The following NDUFAF6 variants were observed in gnomAD, a reference collection of about 807,000 sequenced individuals.
NDUFAF6 encodes the protein NADH:ubiquinone oxidoreductase complex assembly factor 6, also known as NADH dehydrogenase (ubiquinone) complex I, assembly factor 6.
A neutral mutation model predicts 40.8 loss-of-function variants in NDUFAF6; 45 were observed. The observed-to-expected ratio is 1.10, with a 90% CI of 0.87 to 1.42. The LOEUF (loss-of-function observed/expected upper bound fraction) is 1.42, where lower values mean the gene tolerates loss of function less well. Ranked by LOEUF, NDUFAF6 falls within the 40% of genes most tolerant of loss-of-function variation. The pLI is 0.00. For missense variants in NDUFAF6, 435 were observed against 418.5 expected (o/e 1.04, Z -0.34); for synonymous variants, 185 against 155.9 (o/e 1.19, Z -1.39).
chr8:94,997,112 C>G (rs1256775979), intron 2 of NDUFAF6, among the ~76,000 whole-genome samples: 1 of 152,128 alleles, frequency 6.6e-6, no homozygotes. Flanking sequence ...GGTCCCATCT[C>G]AGGGCCCTCC....
intron 2 of NDUFAF6, among the ~76,000 whole-genome samples, chr8:94,952,347 G>A (rs974727873): frequency 1.9e-4 from 29 of 152,236 alleles, no homozygotes; most frequent in African/African-American, 6.5e-4. Context: ...GGCAGCCTCA[G>A]AACACAAAGC....
chr8:95,095,056 C>T (rs904056057), intron 2 of NDUFAF6, among the ~76,000 whole-genome samples: 16 of 152,060 alleles, frequency 1.1e-4, no homozygotes, highest in Admixed American at 8.5e-4. Flanking sequence ...GCCTGGCCCA[C>T]ATTTTTCTAT....
At chr8:95,083,626 G>A (rs1005825820) in intron 2 of NDUFAF6, among the ~76,000 whole-genome samples, 2 of 152,104 alleles carry the variant, frequency 1.3e-5, no homozygotes, top group African/African-American at 4.8e-5. Context: ...TTTAAAAATA[G>A]CCATCAAAAT....
intron 2 of NDUFAF6, among the ~76,000 whole-genome samples, chr8:94,997,329 CACACACACACACACAGAGAGAG>C (rs1490048785): frequency 5.2e-4 from 73 of 139,854 alleles, no homozygotes; most frequent in Non-Finnish European, 9.7e-4. Flanking sequence ...CACACACACA[CACACACACACACACAGAGAGAG>C]AGAGAGAGAG....
At chr8:94,925,549 CTTTTTTTTT>C (rs1287916481) in intron 1 of NDUFAF6, among the ~76,000 whole-genome samples, 12 of 135,434 alleles carry the variant, frequency 8.9e-5, no homozygotes, top group African/African-American at 3.3e-4. Flanking sequence ...AAAAGAAATC[CTTTTTTTTT>C]TTTTTTTTTT....
At chr8:95,018,832 A>G (rs1328549305) in intron 2 of NDUFAF6, among the ~76,000 whole-genome samples, 1 of 152,222 alleles carries the variant, frequency 6.6e-6, no homozygotes, top group African/African-American at 2.4e-5. Context: ...CCTACAATAC[A>G]CACAATGGGT....
At chr8:95,048,760 C>T (rs1035214464) in intron 7 of NDUFAF6, among the ~76,000 whole-genome samples, 3 of 152,156 alleles carry the variant, frequency 2.0e-5, no homozygotes, top group South Asian at 2.1e-4. Flanking sequence ...CATATGAATG[C>T]GTTCTCTACT....
intron 2 of NDUFAF6, among the ~76,000 whole-genome samples, chr8:95,092,245 A>G (rs1039293075): frequency 4.7e-5 from 7 of 149,494 alleles, no homozygotes; most frequent in African/African-American, 1.7e-4. Context: ...GCAAAGGCAT[A>G]ATCTTGGCTC....
At chr8:95,101,388 C>T (rs565884049) in intron 2 of NDUFAF6, among the ~76,000 whole-genome samples, 1 of 152,308 alleles carries the variant, frequency 6.6e-6, no homozygotes, top group South Asian at 2.1e-4. Context: ...CCAATGCAAT[C>T]ACCTCTTCCA....
At chr8:95,007,659 G>GTTTTTTTTTTTTTTTT (rs553474402) in intron 2 of NDUFAF6, among the ~76,000 whole-genome samples, 1 of 103,788 alleles carries the variant, frequency 9.6e-6, no homozygotes, top group Non-Finnish European at 1.9e-5. Flanking sequence ...GTGAGGCTCT[G>GTTTTTTTTTTTTTTTT]TTTTTTTTTT....
intron 4 of NDUFAF6, among the ~76,000 whole-genome samples, chr8:95,113,236 G>A (rs1810044900): frequency 6.6e-6 from 1 of 152,162 alleles, no homozygotes; most frequent in East Asian, 1.9e-4. Context: ...TTTCTCTATG[G>A]AGTAGGGAAT....
At chr8:95,115,573 T>C (rs1480937755) in exon 5 of NDUFAF6, 2 of 151,950 alleles carry the variant, frequency 1.3e-5, no homozygotes, top group Middle Eastern at 3.2e-3. Context: ...GCCACACTGG[T>C]TGGAGCTCTC....
At chr8:94,953,264 T>A (rs1822778193), upstream of NDUFAF6, among the ~76,000 whole-genome samples, 1 of 151,906 alleles carries the variant, frequency 6.6e-6, no homozygotes, top group Admixed American at 6.6e-5. Flanking sequence ...GGAGAATCGC[T>A]TGAACCGGGG....
At chr8:95,100,454 T>A (rs1489589112) in exon 1 of NDUFAF6, 1 of 152,186 alleles carries the variant, frequency 6.6e-6, no homozygotes, top group South Asian at 2.1e-4. Flanking sequence ...AGAGGGCTAC[T>A]CCATGTCAGA....
At position 94,984,232 on chromosome 8, in the gene NDUFAF6, T is replaced by C. The variant is rs1397162631; in HGVS notation, c.-84+3259T>C. The C allele has an allele frequency of 3.9e-5, 6 of 152,324 alleles. No individual in the cohort carries two copies. In the South Asian group the frequency reaches 8.3e-4, roughly 21 times the overall value. 9.4% of individuals were successfully genotyped at this position (152,324 alleles called of 1,614,324 possible). A position where few individuals can be genotyped will look rare whatever the true frequency, so the allele number is the denominator to read the frequency against. On this transcript the variant is annotated intron_variant, in intron 2 of 9. Transcript: ENST00000396111. ...ATCCATCACCTAGGTTCAATAATTA[T>C]TATAATTTTGCTAATTTTGAGAAGC...
intron 1 of NDUFAF6, chr8:95,100,584 T>C (rs1384799846): frequency 6.6e-6 from 1 of 152,220 alleles, no homozygotes; most frequent in Non-Finnish European, 1.5e-5. Context: ...TTATCCTGTA[T>C]GCGAGAGCTA....
At chr8:94,935,307 ATACTT>A (rs1051064055) in intron 1 of NDUFAF6, among the ~76,000 whole-genome samples, 3 of 152,220 alleles carry the variant, frequency 2.0e-5, no homozygotes, top group African/African-American at 7.2e-5. Flanking sequence ...CATTCCCAAA[ATACTT>A]TAACAGGAAA....
chr8:94,920,483 C>T (rs1031765858), intron 1 of NDUFAF6, among the ~76,000 whole-genome samples: 10 of 152,178 alleles, frequency 6.6e-5, no homozygotes, highest in Non-Finnish European at 5.9e-5. Flanking sequence ...TAATTTCATT[C>T]GTAAGGGCAG....
At chr8:94,985,686 C>T (rs1396136856) in intron 2 of NDUFAF6, among the ~76,000 whole-genome samples, 3 of 148,202 alleles carry the variant, frequency 2.0e-5, no homozygotes, top group Non-Finnish European at 4.5e-5. Context: ...CAGGCATGCA[C>T]CACCATGCCT....
Sources: allele counts gnomAD v4.1 joint callset (sites outside exome capture counted in the v4.1 genomes callset), GRCh38; gene constraint gnomAD v4.1.1; transcripts MANE v1.5; gene names NCBI Gene and HGNC (gene_info 2026-07-23, HGNC 2026-07-21).